SPOCK1: variants seen among roughly 807,000 people sequenced by gnomAD.
SPOCK1 encodes the protein testican-1.
In SPOCK1, 23 loss-of-function variants were observed where a neutral mutation model predicts 55.3. The ratio of observed to expected loss-of-function variants is 0.42; its 90% CI spans 0.30 to 0.59. The LOEUF (loss-of-function observed/expected upper bound fraction) is 0.59, where lower values mean the gene tolerates loss of function less well. Ranked by LOEUF, SPOCK1 falls within the 20% of genes least tolerant of loss-of-function variation. The pLI is 0.22. For synonymous variants in SPOCK1, 226 were observed against 221.0 expected, an observed-to-expected ratio of 1.02 and a Z score of -0.20; for missense variants, 499 against 552.5, an observed-to-expected ratio of 0.90 and a Z score of 0.97.
chr5:137,203,055 A>G (rs1309737884), intron 3 of SPOCK1, among the ~76,000 whole-genome samples: 2 of 152,182 alleles, frequency 1.3e-5, no homozygotes, highest in East Asian at 1.9e-4. Context: ...AAATGATGAT[A>G]GTTCAGCTTT....
At chr5:137,237,377 G>A (rs1375789548) in intron 3 of SPOCK1, among the ~76,000 whole-genome samples, 1 of 152,104 alleles carries the variant, frequency 6.6e-6, no homozygotes, top group East Asian at 1.9e-4. Context: ...TCCCAGGAAG[G>A]AACATCCCAC....
At chr5:137,403,937 C>T (rs1007006320) in intron 2 of SPOCK1, among the ~76,000 whole-genome samples, 1 of 152,110 alleles carries the variant, frequency 6.6e-6, no homozygotes, top group East Asian at 1.9e-4. Context: ...TTTTCAAAGG[C>T]GCAGTCTGAC....
chr5:137,430,591 G>A (rs964731201), intron 2 of SPOCK1, among the ~76,000 whole-genome samples: 24 of 152,136 alleles, frequency 1.6e-4, no homozygotes, highest in Non-Finnish European at 1.0e-4. Flanking sequence ...TAAGTGATTG[G>A]ACTTAAACCT....
chr5:137,355,477 C>G (rs1446876875), intron 2 of SPOCK1, among the ~76,000 whole-genome samples: 1 of 152,208 alleles, frequency 6.6e-6, no homozygotes, highest in African/African-American at 2.4e-5. Flanking sequence ...GAATGAGCCA[C>G]CACACCCAGT....
chr5:137,318,221 C>T (rs944119391), intron 2 of SPOCK1, among the ~76,000 whole-genome samples: 4 of 152,238 alleles, frequency 2.6e-5, no homozygotes, highest in African/African-American at 9.6e-5. Flanking sequence ...TGAGCTGTCC[C>T]CCCGCTGCCT....
At chr5:137,440,598 C>T (rs1212382788) in intron 2 of SPOCK1, among the ~76,000 whole-genome samples, 1 of 152,216 alleles carries the variant, frequency 6.6e-6, no homozygotes, top group African/African-American at 2.4e-5. Flanking sequence ...TGTACCTTTG[C>T]TACGAGCAAT....
At chr5:137,171,627 G>T (rs182306042) in intron 3 of SPOCK1, among the ~76,000 whole-genome samples, 2,525 of 151,888 alleles carry the variant, frequency 0.017, 33 homozygotes, top group South Asian at 0.035. Context: ...GTAGTTGTTG[G>T]GAAAAAAAAT....
intron 3 of SPOCK1, among the ~76,000 whole-genome samples, chr5:137,151,346 A>G (rs1754315674): frequency 6.6e-6 from 1 of 152,178 alleles, no homozygotes; most frequent in African/African-American, 2.4e-5. Context: ...AGAATGCAAA[A>G]TGTATATAAA....
intron 6 of SPOCK1, among the ~76,000 whole-genome samples, chr5:137,046,466 T>C (rs1394659650): frequency 1.3e-5 from 2 of 152,040 alleles, no homozygotes; most frequent in Admixed American, 1.3e-4. Context: ...TAAGAATGCT[T>C]GTGATTTTTG....
At chr5:137,294,705 T>C (rs1757444547) in intron 2 of SPOCK1, among the ~76,000 whole-genome samples, 1 of 152,212 alleles carries the variant, frequency 6.6e-6, no homozygotes, top group South Asian at 2.1e-4. Context: ...TTTGACCCTA[T>C]TGCTTCTCCT....
chr5:137,089,178 C>A (rs1327609073), intron 5 of SPOCK1, among the ~76,000 whole-genome samples: 2 of 152,176 alleles, frequency 1.3e-5, no homozygotes, highest in Non-Finnish European at 1.5e-5. Flanking sequence ...GGCTTCCCAT[C>A]CCCCTCTTTG....
chr5:137,192,489 A>C (rs188739192), intron 3 of SPOCK1, among the ~76,000 whole-genome samples: 1 of 152,268 alleles, frequency 6.6e-6, no homozygotes, highest in Non-Finnish European at 1.5e-5. Flanking sequence ...CTTACATTAG[A>C]AGGATTTTTC....
intron 3 of SPOCK1, among the ~76,000 whole-genome samples, chr5:137,180,716 T>C (rs1431507600): frequency 6.6e-6 from 1 of 152,102 alleles, no homozygotes; most frequent in Non-Finnish European, 1.5e-5. Context: ...AATATTCAGG[T>C]CAGAGCTGTG....
At chr5:137,060,743 G>T (rs946642824) in intron 6 of SPOCK1, among the ~76,000 whole-genome samples, 1 of 152,042 alleles carries the variant, frequency 6.6e-6, no homozygotes, top group East Asian at 1.9e-4. Flanking sequence ...GGTTCCGACC[G>T]CAGCTACCCT....
intron 3 of SPOCK1, among the ~76,000 whole-genome samples, chr5:137,199,840 C>A (rs1416150968): frequency 3.9e-5 from 6 of 152,276 alleles, no homozygotes; most frequent in Middle Eastern, 3.4e-3. Flanking sequence ...GACCACTAGA[C>A]TCAACCATCA....
At chr5:137,389,542 G>A (rs1751671247) in intron 2 of SPOCK1, among the ~76,000 whole-genome samples, 1 of 152,230 alleles carries the variant, frequency 6.6e-6, no homozygotes, top group African/African-American at 2.4e-5. Context: ...TGGTAGTGAT[G>A]GCAAGAGCCA....
chr5:137,200,242 G>C (rs967327759), intron 3 of SPOCK1, among the ~76,000 whole-genome samples: 1 of 152,084 alleles, frequency 6.6e-6, no homozygotes, highest in African/African-American at 2.4e-5. Context: ...TTGGGCCTCC[G>C]AACCTGCTGC....
At chr5:137,301,636 C>CTTTTT (rs34828127) in intron 2 of SPOCK1, among the ~76,000 whole-genome samples, 1,307 of 129,720 alleles carry the variant, frequency 0.01, 60 homozygotes, top group African/African-American at 0.037. Flanking sequence ...ATTTCGTCTC[C>CTTTTT]TTTTTTTTTT....
intron 5 of SPOCK1, among the ~76,000 whole-genome samples, chr5:137,096,742 T>A (rs760693185): frequency 1.9e-4 from 29 of 151,746 alleles, no homozygotes; most frequent in East Asian, 3.9e-4. Flanking sequence ...TTTAAAAAAA[T>A]TTTTTAAAGA....
Sources: gnomAD v4.1 joint callset for allele counts (sites outside exome capture counted in the v4.1 genomes callset) on GRCh38, gnomAD v4.1.1 for gene constraint, MANE v1.5 for transcripts, NCBI Gene and HGNC (gene_info 2026-07-23, HGNC 2026-07-21) for gene names.